CASP4: variants seen among roughly 807,000 people sequenced by gnomAD.
CASP4 encodes the protein caspase-4.
CASP4 carries 29 observed loss-of-function variants against 41.3 expected under a neutral mutation model. The observed-to-expected ratio is 0.70, with a 90% CI of 0.52 to 0.96. The LOEUF is 0.96. Among genes scored for constraint, CASP4 ranks in the 40% least tolerant of loss-of-function variants. The pLI is 0.00. For synonymous variants in CASP4, 185 were observed against 158.4 expected (o/e 1.17, Z -1.26); for missense variants, 447 against 460.6 (o/e 0.97, Z 0.27).
Position 104,955,892 on chromosome 11 carries a change from T to C in CASP4, c.8-891A>G, listed in dbSNP as rs192035504. Among the ~76,000 whole-genome samples, 5 of 152,206 alleles carry C rather than the reference T, an allele frequency of 3.3e-5. No homozygotes were observed. The East Asian group carries it at 9.6e-4, about 29-fold the overall frequency. ...ATCCATGTAGATGTAAGGATAGTGC[T>C]GACAGAAAATGACATCTAAAGAAAT... is the stretch of plus-strand genomic sequence containing the variant. On this transcript the variant is annotated intron_variant, in intron 1 of 8. Coordinates refer to ENST00000444739, the MANE Select transcript of CASP4 (RefSeq NM_001225.4).
intron 5 of CASP4, chr11:104,949,226 G>A: frequency 1.0e-5 from 4 of 381,152 alleles, no homozygotes; most frequent in Non-Finnish European, 1.9e-5. Flanking sequence ...CAAAATTTCT[G>A]TAAAACATTT....
At position 104,949,658 on chromosome 11, in the gene CASP4, A is replaced by T. The variant is rs531358849; in HGVS notation, c.666T>A (p.Asp222Glu). The T allele has an allele frequency of 4.3e-6, 7 of 1,612,984 alleles. No homozygotes were observed. The African/African-American group carries it at 9.3e-5, about 22-fold the overall frequency. The stretch of plus-strand genomic sequence containing the variant: ...AAAGCAGCACATCTGGTTTTTTCTC[A>T]TCATGCACAGTTCCGCAGATTCCCT... The part of the protein sequence containing the change: ...ILEGICGTVH[D>E]EKKPDVLLYD... The change falls in exon 5 of 9, where the codon GAT becomes GAA. Residue 222 changes from aspartate (D) to glutamate (E), a missense_variant. Coordinates refer to ENST00000444739, the MANE Select transcript of CASP4 (RefSeq NM_001225.4).
At chr11:104,957,252 T>C (rs546045701) in intron 1 of CASP4, among the ~76,000 whole-genome samples, 170 of 152,314 alleles carry the variant, frequency 1.1e-3, no homozygotes, top group African/African-American at 4.0e-3. Flanking sequence ...GTAGTGTTTC[T>C]GTATAACAAT....
At chr11:104,943,143 T>A in intron 8 of CASP4, 170 bp from the exon 9 acceptor site, 1 of 352,816 alleles carries the variant, frequency 2.8e-6, no homozygotes, top group East Asian at 7.5e-5. Context: ...TTGTAAAACC[T>A]AATTTAAAGC....
chr11:104,962,956 C>T (rs546218093), intron 1 of CASP4, among the ~76,000 whole-genome samples: 90 of 152,288 alleles, frequency 5.9e-4, no homozygotes, highest in African/African-American at 2.0e-3. Flanking sequence ...TTTCTCTGGA[C>T]TACCTTGGGG....
At chr11:104,945,137 G>A (rs1008684601) in intron 7 of CASP4, among the ~76,000 whole-genome samples, 1 of 152,110 alleles carries the variant, frequency 6.6e-6, no homozygotes. Flanking sequence ...CTGACAATAA[G>A]TTATCCCTTG....
rs765767421 is a variant in CASP4, at chr11:104,951,878, A to G, written c.372+18T>C. 1.2e-5 allele frequency: 18 copies of G among 1,487,270 alleles called. No individual in the cohort carries two copies. The highest frequency in any genetic ancestry group is 2.3e-5 in the South Asian group (2 of 88,582). 92.1% of individuals were successfully genotyped at this position (1,487,270 alleles called of 1,614,324 possible). A position where few individuals can be genotyped will look rare whatever the true frequency, so the allele number is the denominator to read the frequency against. On this transcript the variant is annotated intron_variant, in intron 3 of 8. Coordinates refer to ENST00000444739, the MANE Select transcript of CASP4 (RefSeq NM_001225.4). ...ATATCTCTTCTTTTTTTTCTATTTC[A>G]TATAGATAGCATAGCACCTCTTCAG...
intron 1 of CASP4, among the ~76,000 whole-genome samples, chr11:104,962,895 G>GT (rs1425039719): frequency 5.3e-5 from 8 of 152,144 alleles, no homozygotes; most frequent in African/African-American, 1.9e-4. Flanking sequence ...ATTTAATGAG[G>GT]TTCCCCCACA....
intron 1 of CASP4, among the ~76,000 whole-genome samples, chr11:104,963,576 G>T (rs1240165378): frequency 6.6e-6 from 1 of 152,206 alleles, no homozygotes; most frequent in Non-Finnish European, 1.5e-5. Flanking sequence ...TATACTTTAA[G>T]GGATGGCTAA....
At chr11:104,964,405 A>C (rs75156225) in intron 1 of CASP4, among the ~76,000 whole-genome samples, 3,701 of 152,206 alleles carry the variant, frequency 0.024, 132 homozygotes, top group African/African-American at 0.077. Context: ...GGTAAAATAC[A>C]CTCCTGTGAA....
chr11:104,944,820 T>G lies in CASP4; in HGVS notation c.1067A>C (p.Lys356Thr), dbSNP rs1198493407. 1.7e-5 allele frequency: 27 copies of G among 1,613,468 alleles called. No individual in the cohort carries two copies. The African/African-American group carries it at 1.9e-4, about 11-fold the overall frequency. ...VQQSFETPRA[K>T]AQMPTIERLS... Reference sequence around the variant, plus strand: ...TCGTTCTATGGTGGGCATTTGAGCTTTGGCCCTTGGAGTTTCAAATGATTG... The same window carrying G: ...TCGTTCTATGGTGGGCATTTGAGCTGTGGCCCTTGGAGTTTCAAATGATTG... Residue 356 changes from lysine (K) to threonine (T), a missense_variant, in exon 8 of 9, where the codon AAA becomes ACA. Physicochemically the swap from Lys to Thr is moderately conservative, Grantham distance 78 (BLOSUM62 -1). Transcript: ENST00000444739.
chr11:104,965,373 C>G lies in CASP4; in HGVS notation c.7+3146G>C, dbSNP rs551307253. On this transcript the variant is annotated intron_variant, in intron 1 of 8. Transcript: ENST00000444739. Reference sequence around the variant, plus strand: ...CATTCTTCTCACCTTGGGGTTCACTCTAATTTCCACTATGTCTCCTGTCAG... The same window carrying G: ...CATTCTTCTCACCTTGGGGTTCACTGTAATTTCCACTATGTCTCCTGTCAG... 9.8e-5 allele frequency among the ~76,000 whole-genome samples: 15 copies of G among 152,320 alleles called. No homozygotes were observed. In the East Asian group the frequency reaches 2.7e-3, roughly 27 times the overall value.
At chr11:104,951,545 C>G in intron 3 of CASP4, 1 of 315,734 alleles carries the variant, frequency 3.2e-6, no homozygotes, top group Non-Finnish European at 6.0e-6. Context: ...CATGTCTAGA[C>G]TTTTCAAGTA....
chr11:104,952,362 A>G (rs1375338544), intron 2 of CASP4, among the ~76,000 whole-genome samples: 8 of 152,162 alleles, frequency 5.3e-5, no homozygotes, highest in African/African-American at 1.9e-4. Context: ...GTGCAAGAGT[A>G]TACTGAGTAA....
intron 4 of CASP4, 119 bp downstream of exon 4, chr11:104,950,806 A>ACACACACT (rs1274643266): frequency 5.1e-6 from 4 of 778,954 alleles, no homozygotes; most frequent in African/African-American, 1.8e-5. Context: ...ATACACACAC[A>ACACACACT]CACACACACA....
chr11:104,952,439 T>C (rs909967153), intron 2 of CASP4, among the ~76,000 whole-genome samples: 1 of 152,140 alleles, frequency 6.6e-6, no homozygotes, highest in Non-Finnish European at 1.5e-5. Context: ...TAATTTCTAC[T>C]ATCACATGTA....
At chr11:104,946,773 C>A (rs1017057441) in intron 7 of CASP4, 1 of 186,630 alleles carries the variant, frequency 5.4e-6, no homozygotes, top group Non-Finnish European at 1.1e-5. Flanking sequence ...GCAGACCACC[C>A]AGATTTTATT....
chr11:104,960,636 A>G (rs573048589), intron 1 of CASP4, among the ~76,000 whole-genome samples: 1 of 152,020 alleles, frequency 6.6e-6, no homozygotes, highest in South Asian at 2.1e-4. Flanking sequence ...CGCCTGGCTA[A>G]TTTTTGTATT....
intron 5 of CASP4, chr11:104,949,108 C>A: frequency 3.7e-6 from 1 of 268,472 alleles, no homozygotes; most frequent in Non-Finnish European, 7.2e-6. Flanking sequence ...ATTCTACAGT[C>A]CCCTGATCTC....
Sources: gnomAD v4.1 joint callset for allele counts (sites outside exome capture counted in the v4.1 genomes callset) on GRCh38, gnomAD v4.1.1 for gene constraint, MANE v1.5 for transcripts, NCBI Gene and HGNC (gene_info 2026-07-23, HGNC 2026-07-21) for gene names.